SAMD12: variants seen among roughly 807,000 people sequenced by gnomAD.
SAMD12 encodes the protein sterile alpha motif domain-containing protein 12.
SAMD12 carries 9 observed loss-of-function variants against 15.0 expected under a neutral mutation model. The ratio of observed to expected loss-of-function variants is 0.60; its 90% confidence interval spans 0.36 to 1.05. The LOEUF is 1.05. Among genes scored for constraint, SAMD12 ranks in the 50% least tolerant of loss-of-function variants. The pLI is 0.01. For missense variants in SAMD12, 230 were observed against 234.2 expected (o/e 0.98, Z 0.12); for synonymous variants, 86 against 90.1 (o/e 0.96, Z 0.25).
At chr8:118,494,428 G>T (rs542874371) in intron 2 of SAMD12, among the ~76,000 whole-genome samples, 4 of 152,276 alleles carry the variant, frequency 2.6e-5, no homozygotes, top group African/African-American at 9.6e-5. Context: ...AACACCAGCA[G>T]TAGTTATGTG....
intron 4 of SAMD12, among the ~76,000 whole-genome samples, chr8:118,368,803 A>G (rs1818933311): frequency 6.6e-6 from 1 of 152,226 alleles, no homozygotes; most frequent in Non-Finnish European, 1.5e-5. Flanking sequence ...CACTATGCAA[A>G]GTAAAATTAG....
chr8:118,369,372 T>G (rs1425552861), intron 4 of SAMD12, among the ~76,000 whole-genome samples: 3 of 152,146 alleles, frequency 2.0e-5, no homozygotes, highest in Admixed American at 1.3e-4. Flanking sequence ...AAATTGAAAC[T>G]GGACCTCTTC....
At chr8:118,343,037 G>A (rs1315092206) in intron 4 of SAMD12, among the ~76,000 whole-genome samples, 1 of 152,138 alleles carries the variant, frequency 6.6e-6, no homozygotes, top group Non-Finnish European at 1.5e-5. Context: ...GGCCAACTAA[G>A]TGAGCTCACA....
rs140250446 is a variant in SAMD12, at chr8:118,276,884, G to A, written c.434-79152C>T. Reference sequence around the variant, plus strand: ...GACAGGGTTTCGCCATGTTGACCAGGCTGGTCTCGAACTCCTGACCTCAGG... The same window carrying A: ...GACAGGGTTTCGCCATGTTGACCAGACTGGTCTCGAACTCCTGACCTCAGG... On this transcript the variant is annotated intron_variant, in intron 4 of 4. Transcript: ENST00000409003. Among the ~76,000 whole-genome samples the A allele has an allele frequency of 5.7e-3, 865 of 152,242 alleles. 8 individuals are homozygous for A. The highest frequency in any genetic ancestry group is 0.019 in the African/African-American group (800 of 41,554).
intron 4 of SAMD12, among the ~76,000 whole-genome samples, chr8:118,213,741 C>T (rs1027040201): frequency 2.6e-5 from 4 of 152,132 alleles, no homozygotes; most frequent in African/African-American, 9.7e-5. Context: ...GGAAGACAGC[C>T]TAGATCTGCT....
In SAMD12 at chr8:118,621,958, C is replaced by T. The variant is rs760214488; in HGVS notation, c.-142G>A. On this transcript the variant is annotated 5_prime_UTR_variant, in exon 1 of 4. Transcript: ENST00000314727. ...ACCAACCTGCCGCGGTCACGCAAAG[C>T]GAGGCAGCCGGCTCCCGGCTCGGCG... The T allele has an allele frequency of 2.2e-5, 23 of 1,031,136 alleles. No individual in the cohort carries two copies. The highest frequency in any genetic ancestry group is 1.5e-4 in the South Asian group (12 of 77,906). The allele number at this position is 1,031,136 out of a possible 1,614,324, so 63.9% of individuals were successfully genotyped here. A position where few individuals can be genotyped will look rare whatever the true frequency, so the allele number is the denominator to read the frequency against.
intron 4 of SAMD12, among the ~76,000 whole-genome samples, chr8:118,282,832 TTA>T (rs1813718341): frequency 6.6e-6 from 1 of 152,124 alleles, no homozygotes; most frequent in African/African-American, 2.4e-5. Flanking sequence ...GCCATAATAT[TTA>T]TATATATGTA....
chr8:118,145,770 GA>G, the SAMD12 span, among the ~76,000 whole-genome samples: 3 of 152,208 alleles, frequency 2.0e-5, no homozygotes, highest in African/African-American at 7.2e-5. Flanking sequence ...ATGCAGATCT[GA>G]TGAAGTCTTA....
At chr8:118,166,368 T>C in the SAMD12 span, among the ~76,000 whole-genome samples, 1 of 152,236 alleles carries the variant, frequency 6.6e-6, no homozygotes, top group South Asian at 2.1e-4. Flanking sequence ...GTACCTTTAT[T>C]AGTTCTGTTA....
At chr8:118,548,639 C>A (rs533043746) in intron 2 of SAMD12, among the ~76,000 whole-genome samples, 1 of 152,170 alleles carries the variant, frequency 6.6e-6, no homozygotes, top group African/African-American at 2.4e-5. Context: ...TCTGAGGTAC[C>A]GGGTTCATCT....
At chr8:118,338,077 A>G (rs1817173511) in intron 4 of SAMD12, among the ~76,000 whole-genome samples, 1 of 152,228 alleles carries the variant, frequency 6.6e-6, no homozygotes, top group Non-Finnish European at 1.5e-5. Context: ...GCACCTATCT[A>G]AAGACAGAAG....
chr8:118,598,883 C>A (rs1827787999), intron 1 of SAMD12, among the ~76,000 whole-genome samples: 1 of 152,184 alleles, frequency 6.6e-6, no homozygotes, highest in African/African-American at 2.4e-5. Context: ...AATTGATCCT[C>A]ATAGAGCATC....
At chr8:118,248,414 C>G (rs1380316347) in intron 4 of SAMD12, among the ~76,000 whole-genome samples, 1 of 152,050 alleles carries the variant, frequency 6.6e-6, no homozygotes, top group Non-Finnish European at 1.5e-5. Context: ...GATTGTTAGT[C>G]CAGCAGTCAA....
chr8:118,420,337 A>G (rs1363442093), intron 3 of SAMD12, among the ~76,000 whole-genome samples: 3 of 152,184 alleles, frequency 2.0e-5, no homozygotes, highest in Admixed American at 6.5e-5. Context: ...AATTCACAGT[A>G]CAACCTAATA....
the SAMD12 span, among the ~76,000 whole-genome samples, chr8:118,140,818 T>C: frequency 1.3e-5 from 2 of 152,202 alleles, no homozygotes; most frequent in Non-Finnish European, 2.9e-5. Flanking sequence ...GCTTTCTCCA[T>C]CTTTCTTTTC....
chr8:118,132,764 C>A, the SAMD12 span, among the ~76,000 whole-genome samples: 1 of 151,770 alleles, frequency 6.6e-6, no homozygotes, highest in Non-Finnish European at 1.5e-5. Flanking sequence ...TTCCACCATC[C>A]CAAACATTGG....
chr8:118,595,536 C>T (rs1165483731), intron 1 of SAMD12, among the ~76,000 whole-genome samples: 2 of 152,140 alleles, frequency 1.3e-5, no homozygotes, highest in Non-Finnish European at 2.9e-5. Context: ...GAAAAAAAAT[C>T]AAGTACACAA....
At chr8:118,194,879 T>C (rs1819513662) in exon 5 of SAMD12, 1 of 152,224 alleles carries the variant, frequency 6.6e-6, no homozygotes, top group Non-Finnish European at 1.5e-5. Flanking sequence ...AGCTCTTGAC[T>C]GCTTGGATTT....
At chr8:118,217,414 T>C (rs1037756760) in intron 4 of SAMD12, among the ~76,000 whole-genome samples, 13 of 152,198 alleles carry the variant, frequency 8.5e-5, no homozygotes, top group Admixed American at 3.3e-4. Flanking sequence ...AATATCAGTA[T>C]GGGTGAGGGA....
Sources: gnomAD v4.1 joint callset for allele counts (sites outside exome capture counted in the v4.1 genomes callset) on GRCh38, gnomAD v4.1.1 for gene constraint, MANE v1.5 for transcripts, NCBI Gene and HGNC (gene_info 2026-07-23, HGNC 2026-07-21) for gene names.